PHACTR1: variants seen among roughly 807,000 people sequenced by gnomAD.
PHACTR1 encodes RPEL repeat containing 1.
In PHACTR1, 16 loss-of-function variants were observed where a neutral mutation model predicts 69.2. The ratio of observed to expected loss-of-function variants is 0.23; its 90% CI spans 0.16 to 0.35. The LOEUF (loss-of-function observed/expected upper bound fraction) is 0.35, where lower values mean the gene tolerates loss of function less well. Among genes scored for constraint, PHACTR1 ranks in the 10% least tolerant of loss-of-function variants. PHACTR1 has a pLI of 1.00. For missense variants in PHACTR1, 510 were observed against 734.7 expected (o/e 0.69, Z 3.54); for synonymous variants, 312 against 284.5 (o/e 1.10, Z -0.97).
At chr6:12,900,103 C>G (rs1192730831) in intron 4 of PHACTR1, among the ~76,000 whole-genome samples, 1 of 152,214 alleles carries the variant, frequency 6.6e-6, no homozygotes, top group Non-Finnish European at 1.5e-5. Flanking sequence ...ACATACCTCA[C>G]CCCACTGTAT....
chr6:12,799,564 T>G (rs1037536816), intron 4 of PHACTR1, among the ~76,000 whole-genome samples: 2 of 152,202 alleles, frequency 1.3e-5, no homozygotes, highest in Non-Finnish European at 2.9e-5. Context: ...CTAATTACAT[T>G]TCTTTTGGGT....
At chr6:13,226,464 AC>A (rs1250825188) in intron 8 of PHACTR1, among the ~76,000 whole-genome samples, 1 of 152,186 alleles carries the variant, frequency 6.6e-6, no homozygotes, top group Non-Finnish European at 1.5e-5. Context: ...CATGTCAAAC[AC>A]TTTTGGATGG....
At chr6:13,126,269 A>G (rs1338202995) in intron 5 of PHACTR1, among the ~76,000 whole-genome samples, 4 of 152,220 alleles carry the variant, frequency 2.6e-5, no homozygotes, top group Non-Finnish European at 5.9e-5. Flanking sequence ...TGTATCTGGT[A>G]CCTAGTACGT....
intron 4 of PHACTR1, among the ~76,000 whole-genome samples, chr6:12,822,678 G>C (rs1776353475): frequency 1.3e-5 from 2 of 152,218 alleles, no homozygotes; most frequent in Admixed American, 6.5e-5. Context: ...CAGAGGGACA[G>C]AAGCCCATCA....
chr6:12,952,088 G>A (rs1791370925), intron 4 of PHACTR1, among the ~76,000 whole-genome samples: 1 of 152,188 alleles, frequency 6.6e-6, no homozygotes, highest in South Asian at 2.1e-4. Context: ...ACAGGCATGT[G>A]CTTTAGAGCA....
intron 4 of PHACTR1, among the ~76,000 whole-genome samples, chr6:12,820,201 A>C (rs1776048898): frequency 6.6e-6 from 1 of 152,068 alleles, no homozygotes. Context: ...TTGTTTTTTG[A>C]GATAGAGTCT....
chr6:12,874,080 T>A (rs956632591), intron 4 of PHACTR1, among the ~76,000 whole-genome samples: 4 of 152,238 alleles, frequency 2.6e-5, no homozygotes, highest in Non-Finnish European at 4.4e-5. Flanking sequence ...TTAATGTGCA[T>A]ACAAATCACC....
intron 4 of PHACTR1, among the ~76,000 whole-genome samples, chr6:12,999,270 G>A (rs989156604): frequency 1.5e-4 from 23 of 152,184 alleles, no homozygotes; most frequent in African/African-American, 5.3e-4. Context: ...AAATATGAAT[G>A]AACTAGGTTT....
intron 5 of PHACTR1, among the ~76,000 whole-genome samples, chr6:13,074,680 T>C (rs1222528466): frequency 6.6e-6 from 1 of 152,212 alleles, no homozygotes; most frequent in East Asian, 1.9e-4. Flanking sequence ...TGTACAAGGT[T>C]GTTTGTTACA....
chr6:13,156,269 C>T (rs1235772616), intron 5 of PHACTR1, among the ~76,000 whole-genome samples: 1 of 152,152 alleles, frequency 6.6e-6, no homozygotes, highest in Non-Finnish European at 1.5e-5. Context: ...GCTGTGGGCT[C>T]AGGGTTCTAT....
At chr6:13,066,468 A>G (rs1162237346) in intron 5 of PHACTR1, among the ~76,000 whole-genome samples, 1 of 152,176 alleles carries the variant, frequency 6.6e-6, no homozygotes, top group Non-Finnish European at 1.5e-5. Context: ...ATTGTTTTCC[A>G]GTTTTTCATA....
At chr6:13,032,819 G>T (rs747757386) in intron 4 of PHACTR1, among the ~76,000 whole-genome samples, 2 of 152,060 alleles carry the variant, frequency 1.3e-5, no homozygotes, top group Non-Finnish European at 2.9e-5. Context: ...ATGTTACCCA[G>T]GTTGGTCTTG....
At chr6:13,136,128 T>C (rs191649053) in intron 5 of PHACTR1, among the ~76,000 whole-genome samples, 387 of 152,246 alleles carry the variant, frequency 2.5e-3, no homozygotes, top group African/African-American at 9.1e-3. Flanking sequence ...CTCACTGTAC[T>C]TTACTGGAAT....
chr6:13,081,592 C>G (rs1811381128), intron 5 of PHACTR1, among the ~76,000 whole-genome samples: 1 of 152,116 alleles, frequency 6.6e-6, no homozygotes, highest in Admixed American at 6.6e-5. Context: ...GAGGCCAAAG[C>G]AGGAGGATCA....
At chr6:12,975,177 A>G (rs185579153) in intron 4 of PHACTR1, among the ~76,000 whole-genome samples, 4 of 152,234 alleles carry the variant, frequency 2.6e-5, no homozygotes, top group Admixed American at 2.6e-4. Context: ...AGGAAAGCCC[A>G]CGGCCTGTGT....
chr6:12,771,784 A>G lies in PHACTR1; in HGVS notation c.250+21994A>G, dbSNP rs1769420784. Among the ~76,000 whole-genome samples, 3 of 152,246 alleles carry G rather than the reference A, an allele frequency of 2.0e-5. No individual in the cohort carries two copies. The South Asian group carries it at 6.2e-4, about 32-fold the overall frequency. ...GGAAGGGAATTGGGATCAGACTCCC[A>G]TGGAACATCAATTTTAAAGGACTGC... On this transcript the variant is annotated intron_variant, in intron 4 of 14. Transcript: ENST00000332995.
At chr6:13,133,443 G>A (rs1050283909) in intron 5 of PHACTR1, among the ~76,000 whole-genome samples, 5 of 151,728 alleles carry the variant, frequency 3.3e-5, no homozygotes, top group Non-Finnish European at 5.9e-5. Context: ...GCAGGCGCGC[G>A]CCGCCACACC....
chr6:12,903,313 A>G lies in PHACTR1; in HGVS notation c.251-150052A>G, dbSNP rs144189185. ...AGGGTGGATATTATTAAAGGGAGACATGTCTTCAAGTAGGAGCCAAGAAGT... is the reference window on the plus strand; with the variant it reads ...AGGGTGGATATTATTAAAGGGAGACGTGTCTTCAAGTAGGAGCCAAGAAGT... On this transcript the variant is annotated intron_variant, in intron 4 of 14. Coordinates refer to ENST00000332995, the MANE Select transcript of PHACTR1 (RefSeq NM_030948.6). 2.7e-3 allele frequency among the ~76,000 whole-genome samples: 404 copies of G among 152,374 alleles called. 1 individual carries two copies. The highest frequency in any genetic ancestry group is 9.2e-3 in the African/African-American group (384 of 41,596).
chr6:12,884,340 C>A (rs1198650324), intron 4 of PHACTR1, among the ~76,000 whole-genome samples: 1 of 151,818 alleles, frequency 6.6e-6, no homozygotes, highest in Admixed American at 6.6e-5. Context: ...TTGAAGGGAT[C>A]ATATACACAC....
Sources: allele counts gnomAD v4.1 joint callset (sites outside exome capture counted in the v4.1 genomes callset), GRCh38; gene constraint gnomAD v4.1.1; transcripts MANE v1.5; gene names NCBI Gene and HGNC (gene_info 2026-07-23, HGNC 2026-07-21).